Variants in YES1 observed in about 807,000 individuals in gnomAD.
The protein encoded by YES1 is YES proto-oncogene 1, Src family tyrosine kinase.
Under a neutral mutation model 70.4 loss-of-function variants are expected in YES1, and 39 were observed. The ratio of observed to expected loss-of-function variants is 0.55; its 90% confidence interval spans 0.43 to 0.72. The LOEUF is 0.72. Ranked by LOEUF, YES1 falls within the 30% of genes least tolerant of loss-of-function variation. The pLI is 0.00. For synonymous variants in YES1, 198 were observed against 218.6 expected (o/e 0.91, Z 0.83); for missense variants, 495 against 644.8 (o/e 0.77, Z 2.52).
At chr18:748,374 T>TA (rs1555685000) in intron 3 of YES1, among the ~76,000 whole-genome samples, 3 of 151,094 alleles carry the variant, frequency 2.0e-5, no homozygotes, top group Non-Finnish European at 3.0e-5. Context: ...TTTTTTTTTT[T>TA]AAAGCTTTAA....
chr18:796,735 G>A (rs1269848452), intron 1 of YES1, among the ~76,000 whole-genome samples: 1 of 152,142 alleles, frequency 6.6e-6, no homozygotes. Flanking sequence ...TGGCCTGGGT[G>A]ACAGAGGAAG....
At chr18:731,809 T>C (rs913502465) in intron 11 of YES1, among the ~76,000 whole-genome samples, 1 of 151,618 alleles carries the variant, frequency 6.6e-6, no homozygotes, top group Non-Finnish European at 1.5e-5. Flanking sequence ...CTACTAAAAA[T>C]ACAAAAAATT....
chr18:740,805 T>C (rs1451288644), intron 8 of YES1, among the ~76,000 whole-genome samples: 1 of 152,254 alleles, frequency 6.6e-6, no homozygotes, highest in Non-Finnish European at 1.5e-5. Flanking sequence ...GTTCTCCCAA[T>C]TAAATAATTC....
intron 1 of YES1, among the ~76,000 whole-genome samples, chr18:792,577 GTGTGTGTGTATATACA>G (rs1906317950): frequency 6.6e-6 from 1 of 151,460 alleles, no homozygotes; most frequent in South Asian, 2.1e-4. Flanking sequence ...GTGTGTGTGT[GTGTGTGTGTATATACA>G]TATATACATA....
At position 734,528 on chromosome 18, in the gene YES1, C is replaced by T. The variant is rs374659284; in HGVS notation, c.1292-1563G>A. 1.6e-4 allele frequency among the ~76,000 whole-genome samples: 25 copies of T among 151,916 alleles called. No individual in the cohort carries two copies. The East Asian group carries it at 3.5e-3, about 21-fold the overall frequency. Reference sequence around the variant, plus strand: ...CCAAGATCGCGCCACTGCACTCCAGCCTGGGTGACAGAGTGAGACTCCATC... The same window carrying T: ...CCAAGATCGCGCCACTGCACTCCAGTCTGGGTGACAGAGTGAGACTCCATC... On this transcript the variant is annotated intron_variant, in intron 10 of 11. Coordinates refer to ENST00000314574, the MANE Select transcript of YES1 (RefSeq NM_005433.4).
intron 1 of YES1, among the ~76,000 whole-genome samples, chr18:766,088 CTCT>C (rs970889855): frequency 6.6e-6 from 1 of 152,188 alleles, no homozygotes; most frequent in Non-Finnish European, 1.5e-5. Flanking sequence ...GCCATTCTTC[CTCT>C]TCTTTGATAA....
Position 767,216 on chromosome 18 carries a change from A to C in YES1, c.-8-10381T>G, listed in dbSNP as rs548984980. ...TCTGGCTGGAGTACAGTGACATGATAATGGGTCACTGAAACCTTCCCCTTC... is the reference window on the plus strand; with the variant it reads ...TCTGGCTGGAGTACAGTGACATGATCATGGGTCACTGAAACCTTCCCCTTC... On this transcript the variant is annotated intron_variant, in intron 1 of 11. Coordinates refer to ENST00000314574, the MANE Select transcript of YES1 (RefSeq NM_005433.4). Among the ~76,000 whole-genome samples the C allele has an allele frequency of 1.3e-4, 20 of 152,248 alleles. 1 individual carries two copies. The highest frequency in any genetic ancestry group is 1.0e-3 in the South Asian group (5 of 4,826).
intron 9 of YES1, 38 bp downstream of exon 9, chr18:739,697 C>A (rs376474227): frequency 4.8e-6 from 7 of 1,456,666 alleles, no homozygotes; most frequent in Non-Finnish European, 6.6e-6. Flanking sequence ...TTAATTTACA[C>A]TTTTAATTCA....
At chr18:794,828 GTTT>G (rs777490475) in intron 1 of YES1, among the ~76,000 whole-genome samples, 2 of 152,058 alleles carry the variant, frequency 1.3e-5, no homozygotes, top group Non-Finnish European at 2.9e-5. Flanking sequence ...GTTTTGTTTT[GTTT>G]TTTGAGACGG....
chr18:759,677 A>G (rs1268478258), intron 1 of YES1, among the ~76,000 whole-genome samples: 1 of 150,724 alleles, frequency 6.6e-6, no homozygotes, highest in African/African-American at 2.5e-5. Flanking sequence ...ATTAGGTATT[A>G]TAAGTAATCT....
At chr18:810,746 T>A (rs892485543) in intron 1 of YES1, among the ~76,000 whole-genome samples, 1 of 152,204 alleles carries the variant, frequency 6.6e-6, no homozygotes, top group Non-Finnish European at 1.5e-5. Context: ...TTTCCTTACA[T>A]GTCAATTGTG....
chr18:731,744 G>C (rs1293094904), intron 11 of YES1, among the ~76,000 whole-genome samples: 1 of 152,088 alleles, frequency 6.6e-6, no homozygotes, highest in African/African-American at 2.4e-5. Context: ...GAGGCGGGCA[G>C]ATCACAAGGT....
chr18:729,905 G>A (rs1334861337), intron 11 of YES1, among the ~76,000 whole-genome samples: 2 of 152,138 alleles, frequency 1.3e-5, no homozygotes, highest in Non-Finnish European at 2.9e-5. Context: ...GATTACAGGC[G>A]TGAGCCACAG....
chr18:723,597 C>T lies in YES1; in HGVS notation c.*827G>A, dbSNP rs985278205. On this transcript the variant is annotated 3_prime_UTR_variant, in exon 12 of 12. Transcript: ENST00000314574. ...AAAATGCTGGGTCTTACTTTGCATGCTATCTAAAGATCAAAACATTTCCCC... is the reference window on the plus strand; with the variant it reads ...AAAATGCTGGGTCTTACTTTGCATGTTATCTAAAGATCAAAACATTTCCCC... 2 of 152,602 alleles carry T rather than the reference C, an allele frequency of 1.3e-5. No homozygotes were observed. Among genetic ancestry groups the T allele is most frequent in the Non-Finnish European group, 2.9e-5 (2 of 68,018 alleles). 9.5% of individuals were successfully genotyped at this position (152,602 alleles called of 1,614,324 possible).
At position 724,250 on chromosome 18, in the gene YES1, A is replaced by G; in HGVS notation, c.*174T>C. 1 of 617,502 alleles carries G rather than the reference A, an allele frequency of 1.6e-6. No homozygotes were observed. The highest frequency in any genetic ancestry group is 2.8e-6 in the Non-Finnish European group (1 of 354,648). 38.3% of individuals were successfully genotyped at this position (617,502 alleles called of 1,614,324 possible). ...CTGATAAATTCATCATTGGTACATT[A>G]GAGTTTAATACTTGGGGAAAAAAAA... On this transcript the variant is annotated 3_prime_UTR_variant, in exon 12 of 12. Coordinates refer to ENST00000314574, the MANE Select transcript of YES1 (RefSeq NM_005433.4).
Position 724,373 on chromosome 18 carries a change from C to G in YES1, c.*51G>C, listed in dbSNP as rs778456524. The G allele has an allele frequency of 1.3e-6, 2 of 1,497,534 alleles. No individual in the cohort carries two copies. The highest frequency in any genetic ancestry group is 2.8e-5 in the African/African-American group (2 of 72,152). 92.8% of individuals were successfully genotyped at this position (1,497,534 alleles called of 1,614,324 possible). A position where few individuals can be genotyped will look rare whatever the true frequency, so the allele number is the denominator to read the frequency against. ...TTTTGATTCCTGTAGAAAATCTACA[C>G]AAGTTCTTTATATTTTGGCAGATTT... is the stretch of plus-strand genomic sequence containing the variant. On this transcript the variant is annotated 3_prime_UTR_variant, in exon 12 of 12. Transcript: ENST00000314574.
At chr18:738,533 A>G (rs2145694637) in intron 9 of YES1, 1 of 151,972 alleles carries the variant, frequency 6.6e-6, no homozygotes, top group African/African-American at 2.4e-5. Flanking sequence ...TACTAAAAAT[A>G]CAAAAGATTG....
At chr18:809,111 T>G (rs1157204209) in intron 1 of YES1, among the ~76,000 whole-genome samples, 1 of 152,216 alleles carries the variant, frequency 6.6e-6, no homozygotes, top group African/African-American at 2.4e-5. Context: ...ACAGTATCCA[T>G]TCGTTCAATA....
At chr18:797,289 C>CAT (rs1471780035) in intron 1 of YES1, among the ~76,000 whole-genome samples, 1 of 151,962 alleles carries the variant, frequency 6.6e-6, no homozygotes, top group East Asian at 1.9e-4. Flanking sequence ...TATCTTTATT[C>CAT]ATATATATAA....
Sources: allele counts gnomAD v4.1 joint callset (sites outside exome capture counted in the v4.1 genomes callset), GRCh38; gene constraint gnomAD v4.1.1; transcripts MANE v1.5; gene names NCBI Gene and HGNC (gene_info 2026-07-23, HGNC 2026-07-21).